INPP5D: variants seen among roughly 807,000 people sequenced by gnomAD.
INPP5D encodes phosphatidylinositol 3,4,5-trisphosphate 5-phosphatase 1.
A neutral mutation model predicts 122.9 loss-of-function variants in INPP5D; 33 were observed. That is an observed-to-expected ratio of 0.27 (90% confidence interval 0.20 to 0.36). The LOEUF is 0.36. Among genes scored for constraint, INPP5D ranks in the 10% least tolerant of loss-of-function variants. The pLI is 1.00. For missense variants in INPP5D, 1,053 were observed against 1,412.7 expected, an observed-to-expected ratio of 0.75 and a Z score of 4.08; for synonymous variants, 584 against 576.2, an observed-to-expected ratio of 1.01 and a Z score of -0.19.
At chr2:233,203,243 A>G (rs1695387244) in intron 25 of INPP5D, among the ~76,000 whole-genome samples, 1 of 152,136 alleles carries the variant, frequency 6.6e-6, no homozygotes, top group Non-Finnish European at 1.5e-5. Flanking sequence ...GTCGGAGCAG[A>G]ATTGCTGGAG....
intron 6 of INPP5D, among the ~76,000 whole-genome samples, chr2:233,145,000 C>T (rs1693721955): frequency 1.3e-5 from 2 of 152,182 alleles, no homozygotes; most frequent in South Asian, 4.1e-4. Flanking sequence ...AGGGACATCA[C>T]CTGCCTGGTG....
intron 9 of INPP5D, among the ~76,000 whole-genome samples, chr2:233,156,447 G>A (rs888178109): frequency 3.9e-5 from 6 of 152,172 alleles, no homozygotes; most frequent in East Asian, 3.8e-4. Context: ...CCGCCACCAC[G>A]CCTGGCTAAT....
At chr2:233,205,162 T>C (rs192901293) in intron 26 of INPP5D, 793 of 155,794 alleles carry the variant, frequency 5.1e-3, no homozygotes, top group African/African-American at 0.01. Flanking sequence ...CTGGCCAACA[T>C]GGTGAAACCC....
Position 233,160,923 on chromosome 2 carries a change from CTG to C in INPP5D, c.1138-798_1138-797del, listed in dbSNP as rs749444741. Among the ~76,000 whole-genome samples the C allele has an allele frequency of 3.9e-5, 6 of 152,282 alleles. No individual in the cohort carries two copies. In the South Asian group the frequency reaches 1.2e-3, roughly 32 times the overall value. ...GTCCTGGGATTACAGGCATGAGCCACTGTGCCAGGCCCAAATGTTTTATTAAA... is the reference window on the plus strand; with the variant it reads ...GTCCTGGGATTACAGGCATGAGCCACTGCCAGGCCCAAATGTTTTATTAAA... On this transcript the variant is annotated intron_variant, in intron 10 of 26. Transcript: ENST00000445964. The surrounding 1 kb of genome is among the most constrained non-coding windows in gnomAD (Gnocchi z 4.2).
At chr2:233,198,482 T>G (rs1695244763) in intron 25 of INPP5D, 106 bp downstream of exon 25, 2 of 1,452,418 alleles carry the variant, frequency 1.4e-6, no homozygotes, top group African/African-American at 1.4e-5. Flanking sequence ...ACAATTTGTG[T>G]CCACTTGGCT....
At position 233,204,940 on chromosome 2, in the gene INPP5D, C is replaced by T. The variant is rs112132049; in HGVS notation, c.3567+223C>T. On this transcript the variant is annotated intron_variant, in intron 26 of 26. Transcript: ENST00000445964. ...TGAACCCAGGTCTGCCTGTCCCACA[C>T]ATCCCTGACCCTGCATTGCCTCTGC... is the stretch of plus-strand genomic sequence containing the variant. 344 of 659,972 alleles carry T rather than the reference C, an allele frequency of 5.2e-4. 1 individual carries two copies. In the African/African-American group the frequency reaches 5.9e-3, roughly 11 times the overall value. 40.9% of individuals were successfully genotyped at this position (659,972 alleles called of 1,614,324 possible). A position where few individuals can be genotyped will look rare whatever the true frequency, so the allele number is the denominator to read the frequency against.
At chr2:233,162,183 G>A (rs1248123743) in intron 11 of INPP5D, among the ~76,000 whole-genome samples, 1 of 152,204 alleles carries the variant, frequency 6.6e-6, no homozygotes, top group East Asian at 1.9e-4. Flanking sequence ...CCCCAGGCCT[G>A]AGAGAAAGAA....
At chr2:233,204,821 C>CATGCATATGTGTGTGCATGT in intron 26 of INPP5D, 104 bp downstream of exon 26, 1 of 1,410,574 alleles carries the variant, frequency 7.1e-7, no homozygotes, top group Non-Finnish European at 9.3e-7. Context: ...TGTGTGCACG[C>CATGCATATGTGTGTGCATGT]ATGCATATGT....
intron 5 of INPP5D, among the ~76,000 whole-genome samples, chr2:233,132,273 T>A (rs10189300): frequency 0.039 from 5,869 of 152,332 alleles, 136 homozygotes; most frequent in African/African-American, 0.055. Flanking sequence ...AAATGTATTT[T>A]AAGTCTCTCC....
rs188319725 is a variant in INPP5D at position 233,200,533 on chromosome 2, G to T, written c.2975+2157G>T. Among the ~76,000 whole-genome samples, 3 of 152,274 alleles carry T rather than the reference G, an allele frequency of 2.0e-5. No homozygotes were observed. The South Asian group carries it at 6.2e-4, about 32-fold the overall frequency. ...CGCCACATGGGGCAGAGCCAGCAGC[G>T]GTGTGTTCTCCATCACACTGTCCTC... On this transcript the variant is annotated intron_variant, in intron 25 of 26. Coordinates refer to ENST00000445964, the MANE Select transcript of INPP5D (RefSeq NM_001017915.3).
intron 1 of INPP5D, among the ~76,000 whole-genome samples, chr2:233,063,506 G>A (rs766524924): frequency 6.6e-6 from 1 of 152,366 alleles, no homozygotes; most frequent in Non-Finnish European, 1.5e-5. Flanking sequence ...TATGTAAATG[G>A]ACTTGAGCGG....
Position 233,061,770 on chromosome 2 carries a change from C to T in INPP5D, c.134+1158C>T, listed in dbSNP as rs113289878. On this transcript the variant is annotated intron_variant, in intron 1 of 26. Coordinates refer to ENST00000445964, the MANE Select transcript of INPP5D (RefSeq NM_001017915.3). ...AAGTGAGTGACAACAGTCAAAGCCA[C>T]GGCCATCTGCCCCCAGAGGCTGCAG... Among the ~76,000 whole-genome samples the T allele has an allele frequency of 2.1e-3, 316 of 152,354 alleles. 2 individuals carry two copies. Among genetic ancestry groups the T allele is most frequent in the Middle Eastern group, 0.02 (6 of 294 alleles).
intron 18 of INPP5D, among the ~76,000 whole-genome samples, chr2:233,180,389 C>T (rs72972249): frequency 2.6e-5 from 4 of 151,942 alleles, no homozygotes; most frequent in Admixed American, 6.5e-5. Context: ...CTCGTCAACC[C>T]ATTAAATTCT....
At chr2:233,138,881 A>G (rs894454744) in intron 5 of INPP5D, among the ~76,000 whole-genome samples, 2 of 151,226 alleles carry the variant, frequency 1.3e-5, no homozygotes, top group Non-Finnish European at 2.9e-5. Flanking sequence ...GAGTAGCTGG[A>G]ACTACAGGAG....
intron 2 of INPP5D, among the ~76,000 whole-genome samples, chr2:233,116,311 A>G (rs1332864103): frequency 2.0e-5 from 3 of 151,766 alleles, no homozygotes; most frequent in Non-Finnish European, 4.4e-5. Flanking sequence ...ACTTTTTGAG[A>G]CAGGGTCTTG....
intron 6 of INPP5D, among the ~76,000 whole-genome samples, chr2:233,144,087 G>C (rs1409709958): frequency 7.1e-6 from 1 of 140,452 alleles, no homozygotes; most frequent in Non-Finnish European, 1.5e-5. Context: ...AAAATAATAG[G>C]TGTGGAGATA....
intron 2 of INPP5D, among the ~76,000 whole-genome samples, chr2:233,115,658 G>GA (rs1260014928): frequency 1.3e-5 from 2 of 152,176 alleles, no homozygotes; most frequent in Admixed American, 6.5e-5. Context: ...CAAGCCGTCA[G>GA]ACAAAGGTGC....
chr2:233,195,640 A>T, intron 24 of INPP5D, 145 bp downstream of exon 24: 1 of 1,383,670 alleles, frequency 7.2e-7, no homozygotes, highest in Non-Finnish European at 9.8e-7. Context: ...TGAGCCTAGG[A>T]GTTTGAGACC....
chr2:233,195,532 A>G (rs1404741847), intron 24 of INPP5D, 37 bp downstream of exon 24: 1 of 1,612,118 alleles, frequency 6.2e-7, no homozygotes, highest in South Asian at 1.1e-5. Flanking sequence ...GGGGGGGTGG[A>G]TATCAGGGAC....
Sources: gnomAD v4.1 joint callset for allele counts (sites outside exome capture counted in the v4.1 genomes callset) on GRCh38, gnomAD v4.1.1 for gene constraint, Gnocchi (gnomAD v3.1) non-coding constraint, MANE v1.5 for transcripts, NCBI Gene and HGNC (gene_info 2026-07-23, HGNC 2026-07-21) for gene names.